Variants in MEF2C observed in about 807,000 individuals in gnomAD.
MEF2C encodes myocyte-specific enhancer factor 2C.
A neutral mutation model predicts 50.5 loss-of-function variants in MEF2C; 6 were observed. The ratio of observed to expected loss-of-function variants is 0.12; its 90% CI spans 0.07 to 0.23. MEF2C has a LOEUF of 0.23. Ranked by LOEUF, MEF2C falls within the 10% of genes least tolerant of loss-of-function variation. The pLI, the probability that MEF2C is intolerant of heterozygous loss-of-function variation, is 1.00. For missense variants in MEF2C, 276 were observed against 605.0 expected, an observed-to-expected ratio of 0.46 and a Z score of 5.70; for synonymous variants, 183 against 228.0, an observed-to-expected ratio of 0.80 and a Z score of 1.78.
intron 2 of MEF2C, among the ~76,000 whole-genome samples, chr5:88,818,498 G>A (rs1806654144): frequency 6.6e-6 from 1 of 151,892 alleles, no homozygotes; most frequent in East Asian, 1.9e-4. Context: ...GTTAGCATAA[G>A]CTAGAAGCTG....
chr5:88,755,903 G>C (rs948168426), intron 4 of MEF2C, among the ~76,000 whole-genome samples: 1 of 152,212 alleles, frequency 6.6e-6, no homozygotes, highest in Admixed American at 6.5e-5. Flanking sequence ...AAGCAGGTCA[G>C]TGAAAGTCAT....
rs552899022 is a variant in MEF2C at position 88,751,199 on chromosome 5, A to C, written c.589+658T>G. On this transcript the variant is annotated intron_variant, in intron 5 of 10. Coordinates refer to ENST00000504921, the MANE Select transcript of MEF2C (RefSeq NM_002397.5). Reference sequence around the variant, plus strand: ...TTGTTCTAAGTACTAAGAATGGATGAACTTTTTCTGAGAAATAATTTATTT... The same window carrying C: ...TTGTTCTAAGTACTAAGAATGGATGCACTTTTTCTGAGAAATAATTTATTT... 9 of 981,006 alleles carry C rather than the reference A, an allele frequency of 9.2e-6. No homozygotes were observed. In the African/African-American group the frequency reaches 1.6e-4, roughly 17 times the overall value. The allele number at this position is 981,006 out of a possible 1,614,324, so 60.8% of individuals were successfully genotyped here.
chr5:88,745,532 G>A (rs1335224527), intron 6 of MEF2C, among the ~76,000 whole-genome samples: 1 of 152,244 alleles, frequency 6.6e-6, no homozygotes, highest in Non-Finnish European at 1.5e-5. Context: ...CACTGAGGCC[G>A]GGTGCAGAGG....
At chr5:88,748,136 T>C in intron 6 of MEF2C, 3 of 982,326 alleles carry the variant, frequency 3.1e-6, no homozygotes, top group Non-Finnish European at 3.6e-6. Context: ...AATAGATATA[T>C]TTATAAAAAT....
chr5:88,793,808 C>T (rs1186186324), intron 3 of MEF2C, among the ~76,000 whole-genome samples: 7 of 151,768 alleles, frequency 4.6e-5, no homozygotes, highest in East Asian at 1.9e-4. Flanking sequence ...CCCCACCCCA[C>T]GACAGGCCCT....
intron 4 of MEF2C, among the ~76,000 whole-genome samples, chr5:88,756,581 C>T (rs1023739867): frequency 4.6e-5 from 7 of 152,176 alleles, no homozygotes; most frequent in African/African-American, 1.7e-4. Context: ...TGCCATCTAA[C>T]CAGGCAGGTC....
intron 1 of MEF2C, among the ~76,000 whole-genome samples, chr5:88,830,811 T>A (rs573007652): frequency 6.6e-6 from 1 of 152,244 alleles, no homozygotes; most frequent in African/African-American, 2.4e-5. Flanking sequence ...AAGCCTGCAC[T>A]GTCTTATGAC....
intron 2 of MEF2C, among the ~76,000 whole-genome samples, chr5:88,810,467 A>G (rs189430249): frequency 2.9e-3 from 447 of 152,228 alleles, no homozygotes; most frequent in Non-Finnish European, 3.3e-3. Flanking sequence ...TAAAAATTTA[A>G]TTTTACAATC....
chr5:88,883,960 C>G (rs1008652206), upstream of MEF2C, among the ~76,000 whole-genome samples: 21 of 152,276 alleles, frequency 1.4e-4, no homozygotes, highest in African/African-American at 4.3e-4. Context: ...GTGAATCAAT[C>G]TTTCCATTCC....
intron 1 of MEF2C, among the ~76,000 whole-genome samples, chr5:88,862,342 A>T (rs1451052360): frequency 2.0e-5 from 3 of 152,144 alleles, no homozygotes; most frequent in Non-Finnish European, 2.9e-5. Flanking sequence ...ATACATGTGT[A>T]TGTTTGTTTG....
At chr5:88,831,422 T>A (rs942530677) in intron 1 of MEF2C, among the ~76,000 whole-genome samples, 3 of 151,372 alleles carry the variant, frequency 2.0e-5, no homozygotes, top group African/African-American at 7.3e-5. Flanking sequence ...AAATATTATG[T>A]TAAATGATTG....
intron 6 of MEF2C, chr5:88,740,773 C>G: frequency 1.0e-6 from 1 of 984,990 alleles, no homozygotes; most frequent in Non-Finnish European, 1.2e-6. Flanking sequence ...TTGAACCACA[C>G]TATCTTTAAA....
At chr5:88,860,099 T>C (rs750980948) in intron 1 of MEF2C, among the ~76,000 whole-genome samples, 4 of 152,162 alleles carry the variant, frequency 2.6e-5, no homozygotes, top group Non-Finnish European at 5.9e-5. Context: ...GAAATGCCTG[T>C]GAAACCCTAT....
Position 88,833,913 on chromosome 5 carries a change from C to T in MEF2C, c.-142-9983G>A, listed in dbSNP as rs189792183. On this transcript the variant is annotated intron_variant, in intron 1 of 10. Coordinates refer to ENST00000504921, the MANE Select transcript of MEF2C (RefSeq NM_002397.5). ...TAAATAGTTGAAGCCCTTGCCAAAA[C>T]TCTGTAGTTACTTTGTTATAGTGCT... is the stretch of plus-strand genomic sequence containing the variant. Among the ~76,000 whole-genome samples the T allele has an allele frequency of 7.9e-5, 12 of 152,252 alleles. No individual in the cohort carries two copies. The East Asian group carries it at 2.3e-3, about 29-fold the overall frequency.
At chr5:88,884,082 C>T (rs1833720602), upstream of MEF2C, among the ~76,000 whole-genome samples, 1 of 152,226 alleles carries the variant, frequency 6.6e-6, no homozygotes. Flanking sequence ...GCTGCGGCTC[C>T]CTGCTCCTCT....
intron 1 of MEF2C, among the ~76,000 whole-genome samples, chr5:88,891,647 T>A (rs1253752068): frequency 6.6e-6 from 1 of 152,128 alleles, no homozygotes; most frequent in Non-Finnish European, 1.5e-5. Flanking sequence ...CCTGACCTCG[T>A]GATCTGCCTG....
chr5:88,761,156 A>G, intron 4 of MEF2C, 29 bp downstream of exon 4: 1 of 1,614,000 alleles, frequency 6.2e-7, no homozygotes, highest in Non-Finnish European at 8.5e-7. Context: ...TCAAGAGTAA[A>G]AAAAATGAAG....
intron 9 of MEF2C, among the ~76,000 whole-genome samples, chr5:88,728,830 A>G (rs745863563): frequency 6.6e-6 from 1 of 152,224 alleles, no homozygotes; most frequent in Non-Finnish European, 1.5e-5. Flanking sequence ...AAAAATAAGT[A>G]TTCCACGAAT....
At chr5:88,728,650 C>T (rs1223216441) in intron 9 of MEF2C, 22 bp from the exon 10 acceptor site, 2 of 1,339,412 alleles carry the variant, frequency 1.5e-6, no homozygotes, top group Non-Finnish European at 1.9e-6. Context: ...AATAAAACAA[C>T]AAGGGAAAAT....
Sources: gnomAD v4.1 joint callset for allele counts (sites outside exome capture counted in the v4.1 genomes callset) on GRCh38, gnomAD v4.1.1 for gene constraint, MANE v1.5 for transcripts, NCBI Gene and HGNC (gene_info 2026-07-23, HGNC 2026-07-21) for gene names.